Variants in DNM3 observed in about 807,000 individuals in gnomAD.
The protein encoded by DNM3 is dynamin 3, also known as dynamin-3.
DNM3 carries 47 observed loss-of-function variants against 101.6 expected under a neutral mutation model. That is an observed-to-expected ratio of 0.46 (90% CI 0.37 to 0.59). The LOEUF is 0.59. Among genes scored for constraint, DNM3 ranks in the 20% least tolerant of loss-of-function variants. DNM3 has a pLI of 0.00. For synonymous variants in DNM3, 385 were observed against 387.9 expected, an observed-to-expected ratio of 0.99 and a Z score of 0.09; for missense variants, 849 against 1,085.7, an observed-to-expected ratio of 0.78 and a Z score of 3.06.
chr1:171,963,453 CA>C (rs1471277188), intron 2 of DNM3, among the ~76,000 whole-genome samples: 2 of 151,998 alleles, frequency 1.3e-5, no homozygotes, highest in African/African-American at 4.8e-5. Flanking sequence ...ATGGTGGATA[CA>C]ACATTTGTCA....
intron 1 of DNM3, among the ~76,000 whole-genome samples, chr1:171,888,398 A>G (rs2036969192): frequency 6.6e-6 from 1 of 152,180 alleles, no homozygotes; most frequent in South Asian, 2.1e-4. Context: ...AGAATTTTTA[A>G]TATGGATTAT....
At chr1:172,400,889 C>T (rs16844385) in intron 20 of DNM3, among the ~76,000 whole-genome samples, 6,513 of 152,168 alleles carry the variant, frequency 0.043, 473 homozygotes, top group African/African-American at 0.15. Context: ...CTTAACTTTC[C>T]GTACTTTCTG....
Position 172,407,786 on chromosome 1 carries a change from C to T in DNM3, c.2537C>T (p.Pro846Leu). 3 of 1,613,278 alleles carry T rather than the reference C, an allele frequency of 1.9e-6. No homozygotes were observed. Among genetic ancestry groups the T allele is most frequent in the Non-Finnish European group, 2.5e-6 (3 of 1,179,354 alleles). Residue 846 changes from proline (P) to leucine (L), a missense_variant, in exon 21 of 21, where the codon CCA becomes CTA. Coordinates refer to ENST00000627582, the MANE Select transcript of DNM3 (RefSeq NM_015569.5). ...PPSVPSRRPP[P>L]SPTRPTIIRP... ...TCTCTTTCTAGCCGGAGACCACCCCCATCACCAACTCGTCCCACTATAATC... is the reference window on the plus strand; with the variant it reads ...TCTCTTTCTAGCCGGAGACCACCCCTATCACCAACTCGTCCCACTATAATC...
At chr1:172,168,734 C>T (rs1304245237) in intron 14 of DNM3, among the ~76,000 whole-genome samples, 1 of 151,860 alleles carries the variant, frequency 6.6e-6, no homozygotes, top group Non-Finnish European at 1.5e-5. Flanking sequence ...GCAAGGTGTC[C>T]CCAGCCAACT....
intron 14 of DNM3, among the ~76,000 whole-genome samples, chr1:172,154,748 T>A (rs932129495): frequency 6.6e-6 from 1 of 152,062 alleles, no homozygotes; most frequent in Non-Finnish European, 1.5e-5. Flanking sequence ...GGATGAGTAA[T>A]TTTGTTTCCT....
chr1:172,390,003 G>T (rs1356104462), intron 20 of DNM3, among the ~76,000 whole-genome samples: 1 of 152,170 alleles, frequency 6.6e-6, no homozygotes, highest in East Asian at 1.9e-4. Flanking sequence ...CAATAAGGTT[G>T]TTCCCCAGAT....
At chr1:172,317,393 C>T (rs1573442408) in intron 16 of DNM3, among the ~76,000 whole-genome samples, 1 of 151,782 alleles carries the variant, frequency 6.6e-6, no homozygotes, top group South Asian at 2.1e-4. Context: ...AAAATCAGAG[C>T]AGAACTGAAG....
intron 14 of DNM3, among the ~76,000 whole-genome samples, chr1:172,148,978 G>C (rs867833867): frequency 1.3e-5 from 2 of 152,166 alleles, no homozygotes; most frequent in Non-Finnish European, 1.5e-5. Context: ...TAAAATAAAG[G>C]AGAAATATTT....
chr1:171,930,955 C>A (rs746927322), intron 2 of DNM3, among the ~76,000 whole-genome samples: 1 of 151,992 alleles, frequency 6.6e-6, no homozygotes, highest in African/African-American at 2.4e-5. Flanking sequence ...AAGAGTATAT[C>A]GCTTAGGGGG....
intron 14 of DNM3, among the ~76,000 whole-genome samples, chr1:172,197,924 G>A (rs2060012897): frequency 6.6e-6 from 1 of 152,202 alleles, no homozygotes; most frequent in East Asian, 1.9e-4. Context: ...TGATTGCTCT[G>A]GCTAGGACTT....
chr1:172,254,361 T>A (rs1012206161), intron 15 of DNM3, among the ~76,000 whole-genome samples: 1 of 152,184 alleles, frequency 6.6e-6, no homozygotes, highest in African/African-American at 2.4e-5. Context: ...TAAGCTCTTC[T>A]TGAAGAGCGG....
chr1:172,192,644 G>A (rs1336709259), intron 14 of DNM3, among the ~76,000 whole-genome samples: 8 of 150,678 alleles, frequency 5.3e-5, no homozygotes, highest in South Asian at 4.2e-4. Flanking sequence ...TTTTGTTCTC[G>A]CGATAGTTTA....
intron 14 of DNM3, among the ~76,000 whole-genome samples, chr1:172,240,431 A>T (rs915992125): frequency 3.3e-5 from 5 of 152,150 alleles, no homozygotes; most frequent in Non-Finnish European, 5.9e-5. Flanking sequence ...AGTTCTGGGA[A>T]TTGTCAGAGG....
At chr1:171,915,232 G>A (rs2039620986) in intron 1 of DNM3, among the ~76,000 whole-genome samples, 1 of 152,166 alleles carries the variant, frequency 6.6e-6, no homozygotes, top group Non-Finnish European at 1.5e-5. Flanking sequence ...TATTTTGTAA[G>A]TGATACTAAG....
chr1:172,414,826 G>A (rs757590738), downstream of DNM3, among the ~76,000 whole-genome samples: 20 of 149,686 alleles, frequency 1.3e-4, no homozygotes, highest in Admixed American at 9.3e-4. Context: ...TCCAGCTACC[G>A]GAGAGGCTGA....
chr1:172,159,185 C>CA (rs566698660), intron 14 of DNM3, among the ~76,000 whole-genome samples: 3 of 151,808 alleles, frequency 2.0e-5, no homozygotes, highest in Non-Finnish European at 4.4e-5. Context: ...CCAAGCTATG[C>CA]AAAAAAGTTA....
intron 14 of DNM3, among the ~76,000 whole-genome samples, chr1:172,226,927 C>T (rs2148589038): frequency 6.6e-6 from 1 of 151,854 alleles, no homozygotes; most frequent in Non-Finnish European, 1.5e-5. Flanking sequence ...ATTTCAATAG[C>T]TCTGGGGGGA....
At chr1:172,125,757 G>A (rs2056586377) in intron 13 of DNM3, among the ~76,000 whole-genome samples, 1 of 152,172 alleles carries the variant, frequency 6.6e-6, no homozygotes, top group African/African-American at 2.4e-5. Flanking sequence ...ACTCAAAACA[G>A]AATTTGATAT....
chr1:171,936,172 C>T (rs1042292114), intron 2 of DNM3, among the ~76,000 whole-genome samples: 1 of 151,946 alleles, frequency 6.6e-6, no homozygotes, highest in African/African-American at 2.4e-5. Flanking sequence ...GCCTGGCCAA[C>T]ATGGTGAAAC....
Sources: allele counts gnomAD v4.1 joint callset (sites outside exome capture counted in the v4.1 genomes callset), GRCh38; gene constraint gnomAD v4.1.1; transcripts MANE v1.5; gene names NCBI Gene and HGNC (gene_info 2026-07-23, HGNC 2026-07-21).